SH3BGRL2: variants seen among roughly 807,000 people sequenced by gnomAD.
SH3BGRL2 encodes the protein SH3 domain-binding glutamic acid-rich-like protein 2.
SH3BGRL2 carries 21 observed loss-of-function variants against 14.8 expected under a neutral mutation model. The observed-to-expected ratio is 1.42, with a 90% CI of 1.01 to 2.05. The LOEUF is 2.05. Among genes scored for constraint, SH3BGRL2 ranks in the 30% most tolerant of loss-of-function variants. The probability of loss-of-function intolerance (pLI) is 0.00; values close to 1 mark genes in which losing one functional copy is unlikely to be tolerated. For missense variants in SH3BGRL2, 147 were observed against 130.8 expected (o/e 1.12, Z -0.61); for synonymous variants, 50 against 47.8 (o/e 1.05, Z -0.19).
At chr6:79,585,906 T>C in the SH3BGRL2 span, among the ~76,000 whole-genome samples, 796 of 152,116 alleles carry the variant, frequency 5.2e-3, 9 homozygotes, top group African/African-American at 0.018. Context: ...TAAAATGTTA[T>C]AAGATTTGGC....
chr6:79,659,719 T>G (rs1403215359), intron 1 of SH3BGRL2, among the ~76,000 whole-genome samples: 2 of 152,166 alleles, frequency 1.3e-5, no homozygotes, highest in Non-Finnish European at 2.9e-5. Context: ...AATCCATAAA[T>G]TACCTTGGGC....
chr6:79,593,357 G>C, the SH3BGRL2 span, among the ~76,000 whole-genome samples: 1 of 152,274 alleles, frequency 6.6e-6, no homozygotes, highest in Non-Finnish European at 1.5e-5. Flanking sequence ...CTACCTAGTG[G>C]TGTCAGGGGT....
the SH3BGRL2 span, among the ~76,000 whole-genome samples, chr6:79,612,973 A>T: frequency 2.6e-5 from 4 of 152,214 alleles, no homozygotes; most frequent in Admixed American, 6.5e-5. Flanking sequence ...AGCAGCTCTC[A>T]GAGACACTCG....
At chr6:79,634,023 A>C (rs964408457) in intron 1 of SH3BGRL2, among the ~76,000 whole-genome samples, 1 of 152,194 alleles carries the variant, frequency 6.6e-6, no homozygotes, top group African/African-American at 2.4e-5. Context: ...GAGAACAAAT[A>C]ATTTGATTCT....
intron 2 of SH3BGRL2, among the ~76,000 whole-genome samples, chr6:79,681,129 A>G (rs963300232): frequency 1.8e-4 from 28 of 152,180 alleles, no homozygotes; most frequent in Admixed American, 1.3e-4. Context: ...AGAGTCAGGC[A>G]TTAGGTAAAA....
At chr6:79,574,434 A>G in the SH3BGRL2 span, 1 of 152,188 alleles carries the variant, frequency 6.6e-6, no homozygotes, top group Non-Finnish European at 1.5e-5. Flanking sequence ...AGCGGGGGAT[A>G]GAGAGAGATT....
At chr6:79,556,930 T>G in the SH3BGRL2 span, among the ~76,000 whole-genome samples, 2 of 151,996 alleles carry the variant, frequency 1.3e-5, no homozygotes, top group Non-Finnish European at 1.5e-5. Context: ...TTTTAAAACT[T>G]CTTAAAATAT....
the SH3BGRL2 span, among the ~76,000 whole-genome samples, chr6:79,601,706 A>G: frequency 1.3e-5 from 2 of 152,262 alleles, no homozygotes; most frequent in South Asian, 2.1e-4. Flanking sequence ...TTAATTTTCT[A>G]CCACTTAAAG....
At position 79,673,670 on chromosome 6, in the gene SH3BGRL2, T is replaced by C. The variant is rs756692548; in HGVS notation, c.102T>C (p.Phe34=). Residue 34 remains phenylalanine, a synonymous_variant, in exon 2 of 4, where the codon TTT becomes TTC. Transcript: ENST00000369838. ...TTCTGGAAGCCAACAAGATAGAGTT[T>C]GAGGAGGTGGATATCACAATGTCAG... is the stretch of plus-strand genomic sequence containing the variant. The part of the protein sequence containing the change: ...VRFLEANKIE[F]EEVDITMSEE... 4 of 1,614,006 alleles carry C rather than the reference T, an allele frequency of 2.5e-6. No homozygotes were observed. Among genetic ancestry groups the C allele is most frequent in the African/African-American group, 1.3e-5 (1 of 74,976 alleles).
At chr6:79,595,006 C>G in the SH3BGRL2 span, among the ~76,000 whole-genome samples, 1 of 152,152 alleles carries the variant, frequency 6.6e-6, no homozygotes, top group Non-Finnish European at 1.5e-5. Flanking sequence ...GCTGTTCAGG[C>G]CAGGCATGGT....
At chr6:79,546,946 C>G in the SH3BGRL2 span, among the ~76,000 whole-genome samples, 1 of 152,168 alleles carries the variant, frequency 6.6e-6, no homozygotes, top group Non-Finnish European at 1.5e-5. Flanking sequence ...TCCCAAAGTG[C>G]TGGGACCACA....
rs1218977340 is a variant in SH3BGRL2, at chr6:79,693,378, G to C, written c.232-3107G>C. Among the ~76,000 whole-genome samples the C allele has an allele frequency of 1.3e-4, 20 of 151,478 alleles. 1 individual carries two copies. The highest frequency in any genetic ancestry group is 2.8e-4 in the Non-Finnish European group (19 of 67,802). ...TTCTCCTGCCTGATTGCCCTGGCCA[G>C]GACTTCCAACACTATGTTAAATAGG... On this transcript the variant is annotated intron_variant, in intron 2 of 3. Coordinates refer to ENST00000369838, the MANE Select transcript of SH3BGRL2 (RefSeq NM_031469.4).
intron 1 of SH3BGRL2, among the ~76,000 whole-genome samples, chr6:79,640,808 C>T (rs906058836): frequency 6.6e-6 from 1 of 152,120 alleles, no homozygotes; most frequent in African/African-American, 2.4e-5. Context: ...CCATTTCCTA[C>T]TGGGTCATGG....
the SH3BGRL2 span, among the ~76,000 whole-genome samples, chr6:79,560,245 T>C: frequency 6.6e-6 from 1 of 151,984 alleles, no homozygotes; most frequent in African/African-American, 2.4e-5. Context: ...AGGGGACAAA[T>C]ACAAATCAAA....
chr6:79,569,439 A>C, the SH3BGRL2 span, among the ~76,000 whole-genome samples: 1 of 152,214 alleles, frequency 6.6e-6, no homozygotes, highest in Non-Finnish European at 1.5e-5. Flanking sequence ...AGATTCTCCC[A>C]AGAGACAGCT....
chr6:79,563,008 T>G, the SH3BGRL2 span, among the ~76,000 whole-genome samples: 24,988 of 152,100 alleles, frequency 0.16, 2,158 homozygotes, highest in South Asian at 0.22. Context: ...CAGGCTGGAG[T>G]GCAGTAGCGC....
intron 1 of SH3BGRL2, among the ~76,000 whole-genome samples, chr6:79,660,855 G>A (rs1292857488): frequency 6.6e-6 from 1 of 152,012 alleles, no homozygotes; most frequent in African/African-American, 2.4e-5. Context: ...ACTTCTTTCT[G>A]GTTTAGTCTT....
the SH3BGRL2 span, among the ~76,000 whole-genome samples, chr6:79,566,777 A>G: frequency 2.5e-3 from 380 of 152,078 alleles, no homozygotes; most frequent in Non-Finnish European, 3.9e-3. Flanking sequence ...CTAGCTGGGC[A>G]TGGTGGCTAC....
the SH3BGRL2 span, among the ~76,000 whole-genome samples, chr6:79,601,377 G>A: frequency 6.6e-6 from 1 of 152,096 alleles, no homozygotes; most frequent in Admixed American, 6.6e-5. Context: ...AAATGTTTTT[G>A]TAGAGACAGG....
Sources: allele counts gnomAD v4.1 joint callset (sites outside exome capture counted in the v4.1 genomes callset), GRCh38; gene constraint gnomAD v4.1.1; transcripts MANE v1.5; gene names NCBI Gene and HGNC (gene_info 2026-07-23, HGNC 2026-07-21).